Variants in LRMDA observed in about 807,000 individuals in gnomAD.
The protein encoded by LRMDA is leucine-rich melanocyte differentiation-associated protein.
LRMDA carries 18 observed loss-of-function variants against 29.8 expected under a neutral mutation model. The ratio of observed to expected loss-of-function variants is 0.60; its 90% CI spans 0.42 to 0.90. LRMDA has a LOEUF of 0.90. Ranked by LOEUF, LRMDA falls within the 40% of genes least tolerant of loss-of-function variation. The pLI is 0.00. For synonymous variants in LRMDA, 125 were observed against 109.4 expected (o/e 1.14, Z -0.89); for missense variants, 273 against 273.9 (o/e 1.00, Z 0.02).
At chr10:75,498,326 C>T (rs959805235) in intron 2 of LRMDA, among the ~76,000 whole-genome samples, 4 of 152,086 alleles carry the variant, frequency 2.6e-5, no homozygotes, top group South Asian at 4.2e-4. Flanking sequence ...TGAGAGTGTC[C>T]GTGTCCATAT....
chr10:76,316,367 G>A lies in LRMDA; in HGVS notation c.517-8034G>A, dbSNP rs1057221391. On this transcript the variant is annotated intron_variant, in intron 5 of 6. Coordinates refer to ENST00000611255, the MANE Select transcript of LRMDA (RefSeq NM_001305581.2). ...GGCACTTGGAGCTGCCTGCCCCACC[G>A]CAGCCAGCACACCTGGCCGTGCGCT... Among the ~76,000 whole-genome samples the A allele has an allele frequency of 2.6e-4, 39 of 152,040 alleles. 1 individual carries two copies.
intron 2 of LRMDA, among the ~76,000 whole-genome samples, chr10:75,683,767 G>A (rs1018040322): frequency 1.5e-4 from 23 of 152,224 alleles, no homozygotes; most frequent in Non-Finnish European, 3.1e-4. Flanking sequence ...TTGGCAAAGA[G>A]ACTTAAGCAG....
At chr10:75,498,946 G>T (rs1845080442) in intron 2 of LRMDA, among the ~76,000 whole-genome samples, 1 of 152,096 alleles carries the variant, frequency 6.6e-6, no homozygotes, top group South Asian at 2.1e-4. Context: ...TGTGGGTGGA[G>T]AAAAAGCAGG....
At chr10:76,077,818 A>G (rs1020054082) in intron 5 of LRMDA, among the ~76,000 whole-genome samples, 2 of 151,892 alleles carry the variant, frequency 1.3e-5, no homozygotes, top group African/African-American at 4.8e-5. Flanking sequence ...AAGCCTCAAG[A>G]TTGGGGCATT....
At chr10:75,830,939 C>T (rs1844330579) in intron 2 of LRMDA, among the ~76,000 whole-genome samples, 1 of 152,100 alleles carries the variant, frequency 6.6e-6, no homozygotes, top group Admixed American at 6.5e-5. Flanking sequence ...CTAGACAAAA[C>T]AGGAGTACAG....
chr10:76,395,989 T>A (rs1421649618), intron 6 of LRMDA, among the ~76,000 whole-genome samples: 1 of 152,244 alleles, frequency 6.6e-6, no homozygotes, highest in Middle Eastern at 3.2e-3. Flanking sequence ...TACAAAAAGT[T>A]CCTTGTGAAA....
At chr10:75,809,014 G>A (rs998290220) in intron 2 of LRMDA, among the ~76,000 whole-genome samples, 4 of 152,154 alleles carry the variant, frequency 2.6e-5, no homozygotes, top group East Asian at 1.9e-4. Flanking sequence ...TGCCTCTATG[G>A]AGGCTGTGCC....
intron 2 of LRMDA, among the ~76,000 whole-genome samples, chr10:75,529,637 C>T (rs958591163): frequency 7.2e-5 from 11 of 152,226 alleles, no homozygotes; most frequent in African/African-American, 2.4e-4. Flanking sequence ...TGCTGTAACA[C>T]CTGATGCATC....
chr10:75,807,836 C>T (rs1053476050), intron 2 of LRMDA, among the ~76,000 whole-genome samples: 3 of 152,174 alleles, frequency 2.0e-5, no homozygotes, highest in Non-Finnish European at 2.9e-5. Context: ...GTCATTTTCC[C>T]TGCAGCCTTC....
intron 6 of LRMDA, among the ~76,000 whole-genome samples, chr10:76,374,248 T>A (rs1841489138): frequency 6.6e-6 from 1 of 152,336 alleles, no homozygotes; most frequent in African/African-American, 2.4e-5. Context: ...TGTTGTGCTT[T>A]GTATCAAGAT....
At chr10:75,942,450 A>G (rs892409811) in intron 2 of LRMDA, among the ~76,000 whole-genome samples, 68 of 152,296 alleles carry the variant, frequency 4.5e-4, no homozygotes, top group African/African-American at 1.5e-3. Flanking sequence ...GCTTATAATC[A>G]AGCTTATGCT....
At chr10:75,511,086 CG>C (rs1564789049) in intron 2 of LRMDA, among the ~76,000 whole-genome samples, 1 of 152,072 alleles carries the variant, frequency 6.6e-6, no homozygotes, top group Non-Finnish European at 1.5e-5. Flanking sequence ...CAGCACTTTG[CG>C]GGGGCTGAGG....
intron 2 of LRMDA, among the ~76,000 whole-genome samples, chr10:75,848,148 G>C (rs369824357): frequency 1.6e-4 from 24 of 152,234 alleles, no homozygotes; most frequent in African/African-American, 5.5e-4. Flanking sequence ...ATAGTCAGTA[G>C]GTAGAAGCAG....
At chr10:75,564,850 A>T (rs772704454) in intron 2 of LRMDA, among the ~76,000 whole-genome samples, 6 of 152,310 alleles carry the variant, frequency 3.9e-5, no homozygotes, top group Non-Finnish European at 5.9e-5. Flanking sequence ...TTCAAAGGTG[A>T]TCTTTTTGCT....
intron 6 of LRMDA, among the ~76,000 whole-genome samples, chr10:76,389,297 G>T (rs1283339065): frequency 2.0e-5 from 3 of 152,068 alleles, no homozygotes; most frequent in African/African-American, 7.2e-5. Flanking sequence ...GTTTCGAATG[G>T]TGAGGCTGGA....
At chr10:76,320,022 C>T (rs1840750953) in intron 5 of LRMDA, among the ~76,000 whole-genome samples, 1 of 152,178 alleles carries the variant, frequency 6.6e-6, no homozygotes, top group African/African-American at 2.4e-5. Context: ...CAGAGATATC[C>T]ACCGGACTGT....
At chr10:75,661,395 G>A (rs907329271) in intron 2 of LRMDA, among the ~76,000 whole-genome samples, 2 of 152,176 alleles carry the variant, frequency 1.3e-5, no homozygotes, top group African/African-American at 2.4e-5. Context: ...TTTATCTGGT[G>A]GGGATCCTGC....
At chr10:76,421,989 G>T (rs1268169648) in intron 6 of LRMDA, among the ~76,000 whole-genome samples, 1 of 152,092 alleles carries the variant, frequency 6.6e-6, no homozygotes, top group Non-Finnish European at 1.5e-5. Flanking sequence ...GTCCAGTTAG[G>T]GATTTATTCC....
chr10:75,648,352 A>G (rs1437502922), intron 2 of LRMDA, among the ~76,000 whole-genome samples: 4 of 152,112 alleles, frequency 2.6e-5, no homozygotes, highest in African/African-American at 7.2e-5. Context: ...TTTCCCTACA[A>G]CTTGGGCTGC....
Sources: allele counts gnomAD v4.1 joint callset (sites outside exome capture counted in the v4.1 genomes callset), GRCh38; gene constraint gnomAD v4.1.1; transcripts MANE v1.5; gene names NCBI Gene and HGNC (gene_info 2026-07-23, HGNC 2026-07-21).